CEP70: variants seen among roughly 807,000 people sequenced by gnomAD.
CEP70 encodes centrosomal protein of 70 kDa.
Under a neutral mutation model 90.9 loss-of-function variants are expected in CEP70, and 70 were observed. That is an observed-to-expected ratio of 0.77 (90% CI 0.64 to 0.94). The LOEUF (loss-of-function observed/expected upper bound fraction) is 0.94. CEP70 is among the 40% of genes least tolerant of loss of function. The probability of loss-of-function intolerance (pLI) is 0.00; values close to 1 mark genes in which losing one functional copy is unlikely to be tolerated. For missense variants in CEP70, 648 were observed against 669.0 expected (o/e 0.97, Z 0.35); for synonymous variants, 220 against 228.3 (o/e 0.96, Z 0.33).
intron 11 of CEP70, among the ~76,000 whole-genome samples, chr3:138,511,480 T>C (rs1463863943): frequency 6.6e-6 from 1 of 152,242 alleles, no homozygotes; most frequent in Non-Finnish European, 1.5e-5. Context: ...TTACTTCCTT[T>C]CACTTAGGTG....
chr3:138,548,712 T>C (rs1035594406), intron 6 of CEP70, among the ~76,000 whole-genome samples: 6 of 152,204 alleles, frequency 3.9e-5, no homozygotes, highest in African/African-American at 1.4e-4. Context: ...CAGGACTAGA[T>C]TGCAGTTCCC....
intron 6 of CEP70, among the ~76,000 whole-genome samples, chr3:138,553,561 CCTATTG>C: frequency 6.6e-6 from 1 of 151,600 alleles, no homozygotes; most frequent in African/African-American, 2.4e-5. Context: ...TGGTGTCAAT[CCTATTG>C]ACACTATTCC....
chr3:138,504,428 T>C (rs577668384), intron 13 of CEP70, among the ~76,000 whole-genome samples: 1 of 152,328 alleles, frequency 6.6e-6, no homozygotes, highest in South Asian at 2.1e-4. Flanking sequence ...ATCAGGAGGA[T>C]CTTGGGGACA....
At chr3:138,567,806 T>C (rs573248771) in intron 6 of CEP70, among the ~76,000 whole-genome samples, 3 of 152,326 alleles carry the variant, frequency 2.0e-5, no homozygotes, top group African/African-American at 7.2e-5. Context: ...CCCATGTATA[T>C]ATGATATAAA....
chr3:138,495,113 C>A, intron 17 of CEP70, 37 bp from the exon 18 acceptor site: 1 of 1,271,270 alleles, frequency 7.9e-7, no homozygotes, highest in Non-Finnish European at 1.1e-6. Flanking sequence ...AAGAGAGTAA[C>A]TTTTTCTAGT....
chr3:138,541,117 A>G lies in CEP70; in HGVS notation c.466-3770T>C, dbSNP rs548546809. Among the ~76,000 whole-genome samples the G allele has an allele frequency of 1.6e-4, 25 of 152,326 alleles. No individual in the cohort carries two copies. The East Asian group carries it at 2.1e-3, about 13-fold the overall frequency. On this transcript the variant is annotated intron_variant, in intron 6 of 17. Coordinates refer to ENST00000264982, the MANE Select transcript of CEP70 (RefSeq NM_024491.4). Reference sequence around the variant, plus strand: ...GGGAGAAGGAAGAGAAGGAGAAAAGATAACTATTGGGTACTGGGCTTAATG... The same window carrying G: ...GGGAGAAGGAAGAGAAGGAGAAAAGGTAACTATTGGGTACTGGGCTTAATG...
At chr3:138,501,301 A>G (rs568111691) in intron 13 of CEP70, among the ~76,000 whole-genome samples, 1 of 152,300 alleles carries the variant, frequency 6.6e-6, no homozygotes, top group African/African-American at 2.4e-5. Flanking sequence ...TAATTCATAT[A>G]CCATAAAATT....
At chr3:138,542,738 C>T (rs1055276475) in intron 6 of CEP70, among the ~76,000 whole-genome samples, 13 of 152,338 alleles carry the variant, frequency 8.5e-5, no homozygotes, top group Admixed American at 7.8e-4. Context: ...CGGCCAGGAA[C>T]GTGTTACAGC....
chr3:138,532,722 A>G, intron 7 of CEP70, 152 bp from the exon 8 acceptor site: 1 of 537,504 alleles, frequency 1.9e-6, no homozygotes, highest in Non-Finnish European at 3.0e-6. Context: ...CCAAAAAGCA[A>G]ATACTATACT....
chr3:138,558,017 CTG>C (rs1317319885), intron 6 of CEP70, among the ~76,000 whole-genome samples: 2 of 152,092 alleles, frequency 1.3e-5, no homozygotes, highest in Non-Finnish European at 2.9e-5. Flanking sequence ...ATTTTTAAAT[CTG>C]TTTGAAAGTG....
At chr3:138,541,394 G>A (rs13084780) in intron 6 of CEP70, among the ~76,000 whole-genome samples, 10,862 of 150,256 alleles carry the variant, frequency 0.072, 795 homozygotes, top group East Asian at 0.38. Flanking sequence ...CATATTCAAC[G>A]TGGTGCTGAA....
intron 6 of CEP70, among the ~76,000 whole-genome samples, chr3:138,563,361 C>T (rs542408134): frequency 6.6e-6 from 1 of 152,286 alleles, no homozygotes; most frequent in African/African-American, 2.4e-5. Context: ...TAATAGATAT[C>T]TACAGAACTC....
intron 12 of CEP70, among the ~76,000 whole-genome samples, chr3:138,507,792 G>A (rs1369552018): frequency 2.0e-5 from 3 of 152,126 alleles, no homozygotes; most frequent in Admixed American, 2.0e-4. Context: ...TAATAACCAT[G>A]CAGGAATTTG....
chr3:138,558,521 T>C (rs1049626120), intron 6 of CEP70, among the ~76,000 whole-genome samples: 4 of 152,056 alleles, frequency 2.6e-5, no homozygotes, highest in Non-Finnish European at 5.9e-5. Flanking sequence ...GAAACAAAAA[T>C]TAGACACAAA....
intron 2 of CEP70, among the ~76,000 whole-genome samples, chr3:138,581,672 G>T (rs1332001329): frequency 1.4e-5 from 2 of 144,294 alleles, no homozygotes; most frequent in Non-Finnish European, 3.0e-5. Flanking sequence ...CTGAGTCAGG[G>T]TGACAAGAGT....
At chr3:138,501,325 C>T (rs1382194599) in intron 13 of CEP70, among the ~76,000 whole-genome samples, 4 of 152,108 alleles carry the variant, frequency 2.6e-5, no homozygotes, top group African/African-American at 9.7e-5. Flanking sequence ...CCTAAGTATA[C>T]AATTCAGTAG....
intron 2 of CEP70, among the ~76,000 whole-genome samples, chr3:138,591,308 T>C (rs1160674668): frequency 1.3e-5 from 2 of 152,162 alleles, no homozygotes; most frequent in Admixed American, 6.5e-5. Flanking sequence ...AAATGAATTT[T>C]GTGTTTAGAG....
At chr3:138,542,490 C>A (rs1268263368) in intron 6 of CEP70, among the ~76,000 whole-genome samples, 1 of 152,204 alleles carries the variant, frequency 6.6e-6, no homozygotes, top group Non-Finnish European at 1.5e-5. Flanking sequence ...TGTTTCAGCC[C>A]ATTTGTGTTA....
At chr3:138,521,082 T>C in intron 11 of CEP70, among the ~76,000 whole-genome samples, 1 of 152,218 alleles carries the variant, frequency 6.6e-6, no homozygotes, top group East Asian at 1.9e-4. Context: ...GGTGCCGGGA[T>C]TGCAGACAGA....
Sources: allele counts gnomAD v4.1 joint callset (sites outside exome capture counted in the v4.1 genomes callset), GRCh38; gene constraint gnomAD v4.1.1; transcripts MANE v1.5; gene names NCBI Gene and HGNC (gene_info 2026-07-23, HGNC 2026-07-21).